The following PPP1R42 variants were observed in gnomAD, a reference collection of about 807,000 sequenced individuals.
The protein encoded by PPP1R42 is protein phosphatase 1 regulatory subunit 42, also known as leucine rich repeat containing 67.
A neutral mutation model predicts 31.0 loss-of-function variants in PPP1R42; 34 were observed. That is an observed-to-expected ratio of 1.10 (90% CI 0.83 to 1.46). The LOEUF is 1.46. PPP1R42 is among the 40% of genes most tolerant of loss of function. PPP1R42 has a pLI of 0.00. For missense variants in PPP1R42, 268 were observed against 303.0 expected (o/e 0.88, Z 0.86); for synonymous variants, 103 against 109.8 (o/e 0.94, Z 0.39).
intron 5 of PPP1R42, among the ~76,000 whole-genome samples, chr8:66,989,985 A>C (rs1464954260): frequency 6.6e-6 from 1 of 152,240 alleles, no homozygotes; most frequent in Non-Finnish European, 1.5e-5. Context: ...ACAGAGAGCG[A>C]AAACATTTTA....
chr8:67,017,482 A>C, intron 2 of PPP1R42, 137 bp downstream of exon 2: 2 of 430,856 alleles, frequency 4.6e-6, no homozygotes, highest in Non-Finnish European at 7.7e-6. Context: ...CAACAGACGG[A>C]GAGAGACTCT....
At chr8:67,008,319 T>C (rs1271132934) in intron 5 of PPP1R42, among the ~76,000 whole-genome samples, 1 of 152,170 alleles carries the variant, frequency 6.6e-6, no homozygotes, top group East Asian at 1.9e-4. Flanking sequence ...CCTTCACAGA[T>C]AAGTTGGGAC....
At chr8:67,020,389 C>T (rs1816177836) in intron 1 of PPP1R42, among the ~76,000 whole-genome samples, 1 of 152,084 alleles carries the variant, frequency 6.6e-6, no homozygotes, top group African/African-American at 2.4e-5. Flanking sequence ...TTAGTAGAGA[C>T]GGGGTTTCAC....
chr8:67,005,245 C>A (rs773701422), intron 5 of PPP1R42, among the ~76,000 whole-genome samples: 5 of 151,972 alleles, frequency 3.3e-5, no homozygotes, highest in Non-Finnish European at 7.4e-5. Context: ...TCTTTAAACT[C>A]TCCTCTGCCC....
chr8:66,999,451 C>T (rs1253576580), intron 5 of PPP1R42, among the ~76,000 whole-genome samples: 2 of 152,170 alleles, frequency 1.3e-5, no homozygotes, highest in Non-Finnish European at 2.9e-5. Context: ...GAACTCCTGA[C>T]CTCAGGTGAT....
At chr8:66,991,541 C>A (rs547550780) in intron 5 of PPP1R42, among the ~76,000 whole-genome samples, 3 of 152,272 alleles carry the variant, frequency 2.0e-5, no homozygotes, top group South Asian at 4.1e-4. Flanking sequence ...GACCTTGCCA[C>A]CAATTTTACT....
At chr8:66,984,479 G>T in intron 6 of PPP1R42, 2 of 1,279,194 alleles carry the variant, frequency 1.6e-6, no homozygotes, top group Non-Finnish European at 2.3e-6. Flanking sequence ...ACTCCTATCA[G>T]GTACAGTTGC....
chr8:67,015,219 A>G (rs192905054), intron 2 of PPP1R42, among the ~76,000 whole-genome samples: 6 of 151,958 alleles, frequency 3.9e-5, no homozygotes, highest in African/African-American at 9.7e-5. Flanking sequence ...GGGTTTCACT[A>G]TGTTGGCTAG....
In PPP1R42 at chr8:67,014,449, C is replaced by T. The variant is rs200625747; in HGVS notation, c.273G>A (p.Arg91=). The change falls in exon 3 of 8, where the codon AGG becomes AGA. Residue 91 remains arginine (R), a synonymous_variant. Coordinates refer to ENST00000685739, the MANE Select transcript of PPP1R42 (RefSeq NM_001364910.1). ...ACAGTTTTTCCAGTTTCTTTAATGACCTGAGGTTCTCTATACATGAAATAC... is the reference window on the plus strand; with the variant it reads ...ACAGTTTTTCCAGTTTCTTTAATGATCTGAGGTTCTCTATACATGAAATAC... ...NNCISCIENL[R]SLKKLEKLYL... is the part of the protein sequence containing the mutation. 1.9e-5 allele frequency: 29 copies of T among 1,541,850 alleles called. No individual in the cohort carries two copies. Among genetic ancestry groups the T allele is most frequent in the Non-Finnish European group, 2.4e-5 (27 of 1,148,156 alleles).
chr8:67,010,966 G>A, intron 4 of PPP1R42, 135 bp from the exon 5 acceptor site: 1 of 769,070 alleles, frequency 1.3e-6, no homozygotes, highest in Admixed American at 3.6e-5. Flanking sequence ...AACATCAAAA[G>A]CCATGAAATT....
At chr8:66,976,715 G>A (rs182902882) in intron 7 of PPP1R42, among the ~76,000 whole-genome samples, 21 of 150,412 alleles carry the variant, frequency 1.4e-4, no homozygotes, top group East Asian at 9.8e-4. Context: ...ATTTCCATCC[G>A]CGTTGTTGCG....
intron 6 of PPP1R42, chr8:66,984,055 A>AG: frequency 7.5e-7 from 1 of 1,340,700 alleles, no homozygotes; most frequent in East Asian, 2.3e-5. Context: ...TACAAGTGGG[A>AG]GTGGGTTGGG....
chr8:66,993,021 C>T (rs954575706), intron 5 of PPP1R42, among the ~76,000 whole-genome samples: 2 of 152,134 alleles, frequency 1.3e-5, no homozygotes, highest in Non-Finnish European at 2.9e-5. Flanking sequence ...ATTTCAAAGG[C>T]GCTTCAAACC....
At chr8:67,006,273 G>A (rs983669561) in intron 5 of PPP1R42, among the ~76,000 whole-genome samples, 6 of 152,044 alleles carry the variant, frequency 3.9e-5, no homozygotes, top group Non-Finnish European at 5.9e-5. Flanking sequence ...TAAAATATCC[G>A]CTGACTCCTT....
chr8:66,984,073 A>G lies in PPP1R42; in HGVS notation c.671-1893T>C, dbSNP rs1284001074. On this transcript the variant is annotated intron_variant, in intron 6 of 7. Transcript: ENST00000685739. ...AAGTGGGAGTGGGTTGGGAAACAGA[A>G]TAAGTGAGAGGACAGAAGAGACAAA... 4.0e-6 allele frequency: 6 copies of G among 1,485,316 alleles called. No homozygotes were observed. The East Asian group carries it at 6.9e-5, about 17-fold the overall frequency. The allele number at this position is 1,485,316 out of a possible 1,614,324, so 92.0% of individuals were successfully genotyped here. A position where few individuals can be genotyped will look rare whatever the true frequency, so the allele number is the denominator to read the frequency against.
chr8:66,985,472 G>T, intron 6 of PPP1R42: 1 of 958,608 alleles, frequency 1.0e-6, no homozygotes, highest in Non-Finnish European at 1.7e-6. Context: ...AGTGGTGTAG[G>T]TTTAATTTGG....
intron 1 of PPP1R42, chr8:67,021,190 G>A (rs959412968): frequency 1.3e-5 from 2 of 152,030 alleles, no homozygotes; most frequent in Non-Finnish European, 1.5e-5. Flanking sequence ...TATGAAATCA[G>A]TGCTTAGAAG....
chr8:66,970,799 C>T, intron 7 of PPP1R42: 2 of 615,832 alleles, frequency 3.2e-6, no homozygotes, highest in Non-Finnish European at 6.0e-6. Context: ...TCGTAACTTT[C>T]TGAGTGTTTG....
chr8:66,973,377 C>T (rs1228364230), intron 7 of PPP1R42, among the ~76,000 whole-genome samples: 1 of 151,848 alleles, frequency 6.6e-6, no homozygotes, highest in Admixed American at 6.6e-5. Context: ...CATCTCGGCT[C>T]ACTGCAGCCT....
Sources: gnomAD v4.1 joint callset for allele counts (sites outside exome capture counted in the v4.1 genomes callset) on GRCh38, gnomAD v4.1.1 for gene constraint, MANE v1.5 for transcripts, NCBI Gene and HGNC (gene_info 2026-07-23, HGNC 2026-07-21) for gene names.